Variants in USP39 observed in about 807,000 individuals in gnomAD.
The protein encoded by USP39 is ubiquitin specific peptidase 39.
A neutral mutation model predicts 66.4 loss-of-function variants in USP39; 38 were observed. The ratio of observed to expected loss-of-function variants is 0.57; its 90% CI spans 0.44 to 0.75. The LOEUF is 0.75. Among genes scored for constraint, USP39 ranks in the 30% least tolerant of loss-of-function variants. The pLI is 0.00. For synonymous variants in USP39, 303 were observed against 274.6 expected (o/e 1.10, Z -1.02); for missense variants, 608 against 714.4 (o/e 0.85, Z 1.70).
chr2:85,640,413 C>T (rs377224026), intron 9 of USP39, among the ~76,000 whole-genome samples: 2 of 151,528 alleles, frequency 1.3e-5, no homozygotes, highest in South Asian at 2.1e-4. Flanking sequence ...CTCAGCCTCC[C>T]GAGTAGCTGG....
At chr2:85,611,144 G>T, upstream of USP39, 1 of 566,690 alleles carries the variant, frequency 1.8e-6, no homozygotes, top group Non-Finnish European at 2.4e-6. Flanking sequence ...GGAGGCTAAG[G>T]CTGCAGTAAG....
intron 8 of USP39, among the ~76,000 whole-genome samples, chr2:85,637,890 T>C (rs1025385929): frequency 3.9e-5 from 6 of 152,102 alleles, no homozygotes; most frequent in Non-Finnish European, 5.9e-5. Flanking sequence ...GTGACGGGGC[T>C]TCACCATGTT....
At chr2:85,618,115 C>T (rs146368185) in intron 1 of USP39, among the ~76,000 whole-genome samples, 11,955 of 152,014 alleles carry the variant, frequency 0.079, 969 homozygotes, top group East Asian at 0.31. Context: ...CCACCATGCC[C>T]GGCTAATTTT....
At position 85,602,916 on chromosome 2, in the gene USP39, A is replaced by G. The variant is rs1299175099; in HGVS notation, n.61A>G. The G allele has an allele frequency of 1.3e-5, 2 of 152,262 alleles. No homozygotes were observed. Among genetic ancestry groups the G allele is most frequent in the East Asian group, 3.9e-4 (2 of 5,170 alleles). 9.4% of individuals were successfully genotyped at this position (152,262 alleles called of 1,614,324 possible). A position where few individuals can be genotyped will look rare whatever the true frequency, so the allele number is the denominator to read the frequency against. On this transcript the variant is annotated non_coding_transcript_exon_variant, in exon 1 of 13. Coordinates refer to the USP39 transcript ENST00000459775. This position sits in a 1 kb window ranked among gnomAD's most constrained non-coding sequence, Gnocchi z 5.6. Reference sequence around the variant, plus strand: ...TGGCGTGAAGACCGCTCTAAAACCGAGATGACTAGAGGTTCCGTTTAACCG... The same window carrying G: ...TGGCGTGAAGACCGCTCTAAAACCGGGATGACTAGAGGTTCCGTTTAACCG...
chr2:85,616,527 T>G (rs1673971543), intron 1 of USP39, 64 bp downstream of exon 1: 4 of 1,130,426 alleles, frequency 3.5e-6, no homozygotes, highest in South Asian at 3.7e-5. Context: ...TTTTCTTGTC[T>G]CTAATCTTCC....
chr2:85,638,670 C>T (rs1675987698), intron 8 of USP39, among the ~76,000 whole-genome samples: 1 of 151,932 alleles, frequency 6.6e-6, no homozygotes, highest in Non-Finnish European at 1.5e-5. Context: ...TCCCGAGTAG[C>T]TAGGATTACA....
At chr2:85,639,172 T>C in intron 8 of USP39, 31 bp from the exon 9 acceptor site, 5 of 1,596,926 alleles carry the variant, frequency 3.1e-6, no homozygotes, top group Non-Finnish European at 4.3e-6. Context: ...GTCACACTCC[T>C]TTCCTCTCTT....
intron 1 of USP39, among the ~76,000 whole-genome samples, chr2:85,604,819 A>G (rs751950075): frequency 6.6e-6 from 1 of 152,246 alleles, no homozygotes; most frequent in Non-Finnish European, 1.5e-5. Flanking sequence ...GCTGGGTTTG[A>G]GTCCCTATCC....
chr2:85,647,899 A>G (rs1676772081), intron 11 of USP39, 31 bp from the exon 12 acceptor site: 1 of 1,608,086 alleles, frequency 6.2e-7, no homozygotes, highest in African/African-American at 1.3e-5. Flanking sequence ...TTTAGAGAGC[A>G]GACTAACCCA....
intron 12 of USP39, 29 bp downstream of exon 12, chr2:85,648,045 C>G (rs747450298): frequency 3.1e-6 from 5 of 1,611,878 alleles, no homozygotes; most frequent in Non-Finnish European, 4.2e-6. Flanking sequence ...TAGTGAGCCA[C>G]AAATAGGTGG....
At position 85,616,369 on chromosome 2, in the gene USP39, C is replaced by A. The variant is rs757054450; in HGVS notation, c.174C>A (p.Ser58Arg). 6 of 1,600,762 alleles carry A rather than the reference C, an allele frequency of 3.7e-6. No homozygotes were observed. Among genetic ancestry groups the A allele is most frequent in the Non-Finnish European group, 5.1e-6 (6 of 1,173,974 alleles). Residue 58 changes from serine (S) to arginine (R), a missense_variant, in exon 1 of 13, where the codon AGC becomes AGA. Around this residue, in one of 6 missense-constraint regions of USP39, gnomAD observed 207 missense variants for 145.7 expected, o/e 1.42. Transcript: ENST00000323701. ...TGAAGCGGGAGTTCGAGCCGGCGAG[C>A]GCGCGCGAGGCCCCGGCTTCTGTTG... ...VRVKREFEPA[S>R]AREAPASVVP...
chr2:85,641,222 A>C, intron 10 of USP39, 104 bp downstream of exon 10: 1 of 1,427,672 alleles, frequency 7.0e-7, no homozygotes, highest in Admixed American at 2.1e-5. Context: ...TGGGGATTAC[A>C]AGGAACAGAG....
rs566071791 is a variant in USP39, at chr2:85,634,228, G to A, written c.950-1825G>A. ...GGGGCCCATGGAGCACTTGTTTCAG[G>A]GTTAGTAGGAAATAAGATACACTTC... On this transcript the variant is annotated intron_variant, in intron 6 of 12. Transcript: ENST00000323701. Among the ~76,000 whole-genome samples, 5 of 151,968 alleles carry A rather than the reference G, an allele frequency of 3.3e-5. No homozygotes were observed. The South Asian group carries it at 1.0e-3, about 32-fold the overall frequency.
At chr2:85,645,636 G>C (rs1161312384) in intron 11 of USP39, among the ~76,000 whole-genome samples, 1 of 152,088 alleles carries the variant, frequency 6.6e-6, no homozygotes, top group African/African-American at 2.4e-5. Context: ...TATAATAGTA[G>C]TTTTCAGCTG....
At chr2:85,617,370 A>G (rs1294282731) in intron 1 of USP39, among the ~76,000 whole-genome samples, 2 of 152,222 alleles carry the variant, frequency 1.3e-5, no homozygotes. Context: ...TAAGCTGAAT[A>G]AAGTCTGGAG....
chr2:85,643,123 A>C (rs1676368977), intron 10 of USP39, among the ~76,000 whole-genome samples: 1 of 151,988 alleles, frequency 6.6e-6, no homozygotes, highest in Non-Finnish European at 1.5e-5. Flanking sequence ...ATTTACTAAC[A>C]CAAAATGATT....
chr2:85,616,469 C>A lies in USP39; in HGVS notation c.268+6C>A. The stretch of plus-strand genomic sequence containing the variant: ...GCCTGAGCGGGAGGTGCGAGGTGCG[C>A]GGGGCCGGGCCGGGCTAGGCGCGAG... On this transcript the variant is annotated splice_donor_region_variant and intron_variant, in intron 1 of 12. Coordinates refer to ENST00000323701, the MANE Select transcript of USP39 (RefSeq NM_006590.4). The A allele has an allele frequency of 7.3e-7, 1 of 1,361,768 alleles. No individual in the cohort carries two copies. The highest frequency in any genetic ancestry group is 9.7e-7 in the Non-Finnish European group (1 of 1,030,590). The allele number at this position is 1,361,768 out of a possible 1,614,324, so 84.4% of individuals were successfully genotyped here.
At chr2:85,624,134 A>G (rs970780812) in intron 4 of USP39, among the ~76,000 whole-genome samples, 1 of 152,034 alleles carries the variant, frequency 6.6e-6, no homozygotes, top group African/African-American at 2.4e-5. Flanking sequence ...CAAGCTGCAC[A>G]CCGGCTCCTG....
intron 9 of USP39, 151 bp downstream of exon 9, chr2:85,639,542 C>T (rs1472380095): frequency 2.8e-6 from 2 of 726,012 alleles, no homozygotes; most frequent in Non-Finnish European, 4.2e-6. Flanking sequence ...GCAATCTCTA[C>T]CTCCCAGTTT....
Sources: gnomAD v4.1 joint callset for allele counts (sites outside exome capture counted in the v4.1 genomes callset) on GRCh38, gnomAD v4.1.1 for gene constraint, gnomAD v4.1.1 regional missense constraint, Gnocchi (gnomAD v3.1) non-coding constraint, MANE v1.5 for transcripts, NCBI Gene and HGNC (gene_info 2026-07-23, HGNC 2026-07-21) for gene names.